The following CSMD3 variants were observed in gnomAD, a reference collection of about 807,000 sequenced individuals.
The protein encoded by CSMD3 is CUB and sushi domain-containing protein 3.
Under a neutral mutation model 435.2 loss-of-function variants are expected in CSMD3, and 177 were observed. That is an observed-to-expected ratio of 0.41 (90% CI 0.36 to 0.46). The LOEUF (loss-of-function observed/expected upper bound fraction) is 0.46. Ranked by LOEUF, CSMD3 falls within the 20% of genes least tolerant of loss-of-function variation. The probability of loss-of-function intolerance (pLI) is 0.34; values close to 1 mark genes in which losing one functional copy is unlikely to be tolerated. For synonymous variants in CSMD3, 1,656 were observed against 1,520.5 expected, an observed-to-expected ratio of 1.09 and a Z score of -2.07; for missense variants, 4,265 against 4,504.6, an observed-to-expected ratio of 0.95 and a Z score of 1.52.
intron 5 of CSMD3, among the ~76,000 whole-genome samples, chr8:113,038,535 G>A (rs1337429861): frequency 6.6e-6 from 1 of 152,160 alleles, no homozygotes; most frequent in Non-Finnish European, 1.5e-5. Context: ...AGAGAGTAAA[G>A]GGACTGAGGA....
In CSMD3 at chr8:112,332,423, G is replaced by A. The variant is rs183077640; in HGVS notation, c.7165+2906C>T. 1.2e-3 allele frequency among the ~76,000 whole-genome samples: 178 copies of A among 152,252 alleles called. 1 individual carries two copies. The highest frequency in any genetic ancestry group is 3.9e-3 in the African/African-American group (164 of 41,564). ...TAAGAATGGAAGTTCAGGAGGCAGT[G>A]AGAAAACCAACCTGACTGAAGTTGT... On this transcript the variant is annotated intron_variant, in intron 45 of 70. Transcript: ENST00000297405.
rs1360046945 is a variant in CSMD3 at position 113,436,867 on chromosome 8, C to G, written c.-13G>C. The G allele has an allele frequency of 6.2e-7, 1 of 1,613,578 alleles. No homozygotes were observed. ...GGATCCCTTTCATATTATTCGCGAG[C>G]TCCTAATTCCTGCTCCTCAGCCCGG... On this transcript the variant is annotated 5_prime_UTR_variant, in exon 1 of 71. Coordinates refer to ENST00000297405, the MANE Select transcript of CSMD3 (RefSeq NM_198123.2).
chr8:112,448,773 A>C (rs1444023432), intron 32 of CSMD3, among the ~76,000 whole-genome samples: 2 of 151,732 alleles, frequency 1.3e-5, no homozygotes, highest in African/African-American at 2.4e-5. Context: ...AAAAAAAAAA[A>C]AAAAACCAAA....
intron 4 of CSMD3, among the ~76,000 whole-genome samples, chr8:113,127,515 C>T (rs1339940746): frequency 6.6e-6 from 1 of 151,938 alleles, no homozygotes; most frequent in Admixed American, 6.6e-5. Context: ...TTCCCTCACC[C>T]CATTCCCCAA....
chr8:113,358,582 A>T lies in CSMD3; in HGVS notation c.179-43789T>A, dbSNP rs764938593. Among the ~76,000 whole-genome samples, 41 of 152,226 alleles carry T rather than the reference A, an allele frequency of 2.7e-4. 1 individual carries two copies. The highest frequency in any genetic ancestry group is 7.3e-5 in the Non-Finnish European group (5 of 68,032). On this transcript the variant is annotated intron_variant, in intron 1 of 70. Coordinates refer to ENST00000297405, the MANE Select transcript of CSMD3 (RefSeq NM_198123.2). ...TGATTAGGCTGGTCTCGATAAAAATAGAAAACTTTTTTAAAGGAAACTTAC... is the reference window on the plus strand; with the variant it reads ...TGATTAGGCTGGTCTCGATAAAAATTGAAAACTTTTTTAAAGGAAACTTAC...
chr8:113,040,720 A>G (rs919554291), intron 5 of CSMD3, among the ~76,000 whole-genome samples: 1 of 152,172 alleles, frequency 6.6e-6, no homozygotes, highest in Admixed American at 6.5e-5. Flanking sequence ...TTAAGTTTAC[A>G]GTGCTTAGAA....
At chr8:112,878,905 C>A (rs2081368167) in intron 10 of CSMD3, among the ~76,000 whole-genome samples, 1 of 152,122 alleles carries the variant, frequency 6.6e-6, no homozygotes, top group Admixed American at 6.6e-5. Flanking sequence ...TGTCTTTAAT[C>A]TCTTAATCCC....
chr8:112,387,315 T>C (rs1012027542), intron 36 of CSMD3, among the ~76,000 whole-genome samples: 3 of 152,242 alleles, frequency 2.0e-5, no homozygotes, highest in Non-Finnish European at 4.4e-5. Flanking sequence ...CTTTATCTCA[T>C]ATATGATTTA....
At chr8:113,036,728 CTCT>C (rs1162253472) in intron 5 of CSMD3, among the ~76,000 whole-genome samples, 49 of 152,138 alleles carry the variant, frequency 3.2e-4, no homozygotes, top group African/African-American at 1.1e-3. Context: ...ACAAATATTA[CTCT>C]TCTTCTGTAG....
chr8:112,405,880 A>T (rs1192713720), intron 35 of CSMD3, among the ~76,000 whole-genome samples: 1 of 152,128 alleles, frequency 6.6e-6, no homozygotes, highest in Non-Finnish European at 1.5e-5. Context: ...AAAATAAAAA[A>T]TAATATTTAT....
At chr8:112,945,713 T>C (rs960818574) in intron 9 of CSMD3, among the ~76,000 whole-genome samples, 2 of 151,570 alleles carry the variant, frequency 1.3e-5, no homozygotes, top group Admixed American at 6.6e-5. Flanking sequence ...TTAGGCTGAA[T>C]GGCTGCCTGC....
Position 112,281,354 on chromosome 8 carries a change from T to C in CSMD3, c.9332-4A>G. ...CCTGGGTTACCACACTGCACAGCTA[T>C]AAAACAAAGTGTTTAAGAGTATATA... On this transcript the variant is annotated splice_region_variant and splice_polypyrimidine_tract_variant and intron_variant, in intron 58 of 70. Coordinates refer to ENST00000297405, the MANE Select transcript of CSMD3 (RefSeq NM_198123.2). 6.2e-7 allele frequency: 1 copy of C among 1,610,842 alleles called. No homozygotes were observed. Among genetic ancestry groups the C allele is most frequent in the Non-Finnish European group, 8.5e-7 (1 of 1,177,320 alleles).
At chr8:112,894,747 T>G (rs2081900844) in intron 10 of CSMD3, among the ~76,000 whole-genome samples, 1 of 151,366 alleles carries the variant, frequency 6.6e-6, no homozygotes, top group Non-Finnish European at 1.5e-5. Context: ...GGTATGTCTA[T>G]TCATGTTACT....
At chr8:113,379,004 G>C (rs1208497054) in intron 1 of CSMD3, among the ~76,000 whole-genome samples, 1 of 152,106 alleles carries the variant, frequency 6.6e-6, no homozygotes, top group East Asian at 1.9e-4. Context: ...CAAGAAGTTT[G>C]GATTCCATTC....
At chr8:112,980,030 T>G (rs1363972282) in intron 6 of CSMD3, among the ~76,000 whole-genome samples, 2 of 150,984 alleles carry the variant, frequency 1.3e-5, no homozygotes, top group African/African-American at 4.8e-5. Context: ...GTTTGAAATT[T>G]TATTTAATAG....
intron 41 of CSMD3, among the ~76,000 whole-genome samples, chr8:112,344,919 G>A (rs1315377455): frequency 1.3e-5 from 2 of 151,958 alleles, no homozygotes; most frequent in Non-Finnish European, 2.9e-5. Context: ...GAATTCAATA[G>A]ATTACTAGAA....
rs528151009 is a variant in CSMD3, at chr8:112,254,078, T to A, written c.10110+175A>T. Among the ~76,000 whole-genome samples, 91 of 151,934 alleles carry A rather than the reference T, an allele frequency of 6.0e-4. No homozygotes were observed. In the Middle Eastern group the frequency reaches 0.01, roughly 17 times the overall value. On this transcript the variant is annotated intron_variant, in intron 63 of 70. Transcript: ENST00000297405. ...CAGTTAGGAAATTTTATTAAAAAAA[T>A]TTTTTTTTCTAATTTCCTTTACTTC...
intron 49 of CSMD3, 59 bp from the exon 50 acceptor site, chr8:112,311,225 G>A (rs1821953128): frequency 7.2e-7 from 1 of 1,389,310 alleles, no homozygotes; most frequent in African/African-American, 1.4e-5. Flanking sequence ...ATTACCCAAA[G>A]TGATAAACAC....
At chr8:113,297,701 A>G (rs1179227047) in intron 2 of CSMD3, among the ~76,000 whole-genome samples, 4 of 152,224 alleles carry the variant, frequency 2.6e-5, no homozygotes, top group South Asian at 2.1e-4. Flanking sequence ...TTCATAGTCT[A>G]TTCAGCCTAT....
Sources: gnomAD v4.1 joint callset for allele counts (sites outside exome capture counted in the v4.1 genomes callset) on GRCh38, gnomAD v4.1.1 for gene constraint, MANE v1.5 for transcripts, NCBI Gene and HGNC (gene_info 2026-07-23, HGNC 2026-07-21) for gene names.